Variants in PARP10 observed in about 807,000 individuals in gnomAD.
The protein encoded by PARP10 is protein mono-ADP-ribosyltransferase PARP10.
PARP10 carries 56 observed loss-of-function variants against 82.4 expected under a neutral mutation model. The ratio of observed to expected loss-of-function variants is 0.68; its 90% CI spans 0.55 to 0.85. The LOEUF is 0.85. PARP10 is among the 40% of genes least tolerant of loss of function. The pLI, the probability that PARP10 is intolerant of heterozygous loss-of-function variation, is 0.00. For missense variants in PARP10, 1,227 were observed against 1,379.4 expected (o/e 0.89, Z 1.75); for synonymous variants, 576 against 601.1 (o/e 0.96, Z 0.61).
rs782616578 is a variant in PARP10, at chr8:143,984,949, C to T, written c.1053G>A (p.Ser351=). 20 of 1,613,810 alleles carry T rather than the reference C, an allele frequency of 1.2e-5. No individual in the cohort carries two copies. The highest frequency in any genetic ancestry group is 2.7e-5 in the African/African-American group (2 of 74,906). ...CATGTTCCAGAGACCCCATGGGCAT[C>T]GAGCTGACTTGCTCTGCCTGTCCCA... ...GSLGQAEQVS[S]MPMGSLEHEG... Residue 351 remains serine, a synonymous_variant, in exon 5 of 11, where the codon TCG becomes TCA. Coordinates refer to ENST00000313028, the MANE Select transcript of PARP10 (RefSeq NM_032789.5).
chr8:143,991,289 G>C, upstream of PARP10: 3 of 1,463,002 alleles, frequency 2.1e-6, no homozygotes, highest in South Asian at 1.3e-5. Flanking sequence ...CTGGATATCC[G>C]GGGGGGCCCC....
intron 1 of PARP10, among the ~76,000 whole-genome samples, chr8:144,010,934 T>A (rs1371822033): frequency 6.6e-6 from 1 of 151,954 alleles, no homozygotes; most frequent in South Asian, 2.1e-4. Context: ...AAAAATAAAT[T>A]TTTAAAAAGT....
chr8:143,992,708 C>T, upstream of PARP10: 1 of 1,613,940 alleles, frequency 6.2e-7, no homozygotes, highest in Non-Finnish European at 8.5e-7. Context: ...GCAGTGGACA[C>T]CCAGCTGCTA....
upstream of PARP10, chr8:143,992,146 G>T: frequency 6.2e-7 from 1 of 1,603,808 alleles, no homozygotes; most frequent in Non-Finnish European, 8.5e-7. Flanking sequence ...ACTCTTCCGG[G>T]CCTGGTCACC....
upstream of PARP10, among the ~76,000 whole-genome samples, chr8:143,994,905 C>T (rs782585631): frequency 6.6e-6 from 1 of 152,162 alleles, no homozygotes; most frequent in African/African-American, 2.4e-5. Flanking sequence ...GGATTTTATA[C>T]GAAAGAGGAG....
rs1554748128 is a variant in PARP10 at position 143,983,177 on chromosome 8, T to C, written c.2412A>G (p.Ser804=). The C allele has an allele frequency of 6.2e-7, 1 of 1,613,428 alleles. No homozygotes were observed. The highest frequency in any genetic ancestry group is 1.3e-5 in the African/African-American group (1 of 75,034). ...DQSLAFPLAA[S]GPTLAGQTLK... ...AGGAGGTAGACTCACAGGTAGGGCC[T>C]GAAGCTGCCAAGGGAAAGGCCAAAC... Residue 804 remains serine (S), a synonymous_variant, in exon 8 of 11, where the codon TCA becomes TCG. Coordinates refer to ENST00000313028, the MANE Select transcript of PARP10 (RefSeq NM_032789.5).
chr8:143,990,460 G>C (rs1834072031), upstream of PARP10: 1 of 151,822 alleles, frequency 6.6e-6, no homozygotes, highest in Non-Finnish European at 1.5e-5. This position sits in a 1 kb window ranked among gnomAD's most constrained non-coding sequence, Gnocchi z 5.6. Flanking sequence ...GTGCGCCCCC[G>C]GCCCGCGGAG....
rs782461108 is a variant in PARP10, at chr8:143,978,097, G to A, written c.2557-16C>T. The A allele has an allele frequency of 8.7e-6, 13 of 1,491,258 alleles. No individual in the cohort carries two copies. In the Admixed American group the frequency reaches 1.0e-4, roughly 12 times the overall value. 92.4% of individuals were successfully genotyped at this position (1,491,258 alleles called of 1,614,324 possible). ...CGCGCTCCACCTGCGGGGAAGGCCC[G>A]GGCCAGGATTAAACACCCTCCCTAC... On this transcript the variant is annotated splice_polypyrimidine_tract_variant and intron_variant, in intron 9 of 10. Transcript: ENST00000313028.
intron 1 of PARP10, among the ~76,000 whole-genome samples, chr8:144,002,627 C>A (rs551090219): frequency 1.3e-5 from 2 of 152,068 alleles, no homozygotes; most frequent in Non-Finnish European, 2.9e-5. Context: ...TAGAACCACA[C>A]CCATTTTAAA....
At position 143,983,294 on chromosome 8, in the gene PARP10, A is replaced by G. The variant is rs1416515641; in HGVS notation, c.2295T>C (p.Arg765=). The G allele has an allele frequency of 1.2e-6, 2 of 1,612,666 alleles. No homozygotes were observed. Among genetic ancestry groups the G allele is most frequent in the African/African-American group, 2.7e-5 (2 of 74,920 alleles). The change falls in exon 8 of 11, where the codon CGT becomes CGC. Residue 765 remains arginine, a synonymous_variant. Transcript: ENST00000313028. ...ERCHGVSVAL[R]GDCTILRGFG... is the part of the protein sequence containing the mutation. ...AGCCACGGAGGATGGTGCAGTCACC[A>G]CGCAGGGCAACACTCACACCATGGC...
rs144061481 is a variant in PARP10 at position 143,984,585 on chromosome 8, C to T, written c.1417G>A (p.Ala473Thr). ...TCCGGTCCTTCAAGTGGCAAGAGAG[C>T]GACGTCTCCCAGGCCCGCAAGAAGG... ...EDLLAGLGDV[A>T]LLPLEGPDMT... The change falls in exon 5 of 11, where the codon GCT (alanine) becomes ACT (threonine). Residue 473 changes from alanine to threonine, a missense_variant. Coordinates refer to ENST00000313028, the MANE Select transcript of PARP10 (RefSeq NM_032789.5). 2.4e-5 allele frequency: 38 copies of T among 1,613,286 alleles called. No individual in the cohort carries two copies. The highest frequency in any genetic ancestry group is 5.0e-5 in the Admixed American group (3 of 59,958).
rs782251123 is a variant in PARP10 at position 143,986,164 on chromosome 8, G to A, written c.72C>T (p.Asp24=). 9.9e-6 allele frequency: 16 copies of A among 1,613,888 alleles called. No individual in the cohort carries two copies. Among genetic ancestry groups the A allele is most frequent in the East Asian group, 2.2e-5 (1 of 44,882 alleles). ...TTTCAAAGTAGAGAGTGAGCAGCTC[G>A]TCGGGCACGGCAGGGGGCAGTCCAC... The part of the protein sequence containing the change: ...EVRGLPPAVP[D]ELLTLYFENR... Residue 24 remains aspartate, a synonymous_variant, in exon 2 of 11, where the codon GAC becomes GAT. Transcript: ENST00000313028.
chr8:144,006,492 T>C (rs1376067617), intron 1 of PARP10, among the ~76,000 whole-genome samples: 1 of 152,128 alleles, frequency 6.6e-6, no homozygotes, highest in Non-Finnish European at 1.5e-5. Flanking sequence ...GATGAAGACT[T>C]TGGGGGCCCT....
chr8:143,979,097 C>G (rs193107099), intron 9 of PARP10, among the ~76,000 whole-genome samples: 12 of 152,154 alleles, frequency 7.9e-5, no homozygotes, highest in Admixed American at 3.9e-4. Flanking sequence ...CTCAGCCTCC[C>G]GAATAGCTGG....
At position 143,985,663 on chromosome 8, in the gene PARP10, C is replaced by T; in HGVS notation, c.437-15G>A. The T allele has an allele frequency of 6.2e-7, 1 of 1,608,100 alleles. No individual in the cohort carries two copies. The stretch of plus-strand genomic sequence containing the variant: ...GACACGGACATCTGTGGGGTATGTG[C>T]AGGTCAGCTCAGGGAATCCCCCCTA... On this transcript the variant is annotated splice_polypyrimidine_tract_variant and intron_variant, in intron 3 of 10. Coordinates refer to ENST00000313028, the MANE Select transcript of PARP10 (RefSeq NM_032789.5).
At chr8:143,990,036 G>A (rs1484784552), upstream of PARP10, 3 of 99,166 alleles carry the variant, frequency 3.0e-5, no homozygotes, top group Non-Finnish European at 4.2e-5. The surrounding 1 kb of genome is among the most constrained non-coding windows in gnomAD (Gnocchi z 5.6). Context: ...GCCCGGCCCC[G>A]CCCCCTGCCC....
chr8:144,006,392 G>A (rs1372368496), intron 1 of PARP10, among the ~76,000 whole-genome samples: 4 of 152,232 alleles, frequency 2.6e-5, no homozygotes, highest in Non-Finnish European at 5.9e-5. Flanking sequence ...TTGGGGGCCT[G>A]CCCCAGGCCC....
intron 1 of PARP10, among the ~76,000 whole-genome samples, chr8:144,010,700 C>A (rs922441383): frequency 8.5e-5 from 13 of 152,054 alleles, no homozygotes; most frequent in African/African-American, 2.9e-4. Flanking sequence ...TGTGGTAAGA[C>A]CCCATGTCTA....
In PARP10 at chr8:143,983,989, G is replaced by A; in HGVS notation, c.1777+19C>T. 6.6e-7 allele frequency: 1 copy of A among 1,505,208 alleles called. No homozygotes were observed. The highest frequency in any genetic ancestry group is 8.9e-7 in the Non-Finnish European group (1 of 1,125,038). 93.2% of individuals were successfully genotyped at this position (1,505,208 alleles called of 1,614,324 possible). A position where few individuals can be genotyped will look rare whatever the true frequency, so the allele number is the denominator to read the frequency against. On this transcript the variant is annotated intron_variant, in intron 7 of 10. Coordinates refer to ENST00000313028, the MANE Select transcript of PARP10 (RefSeq NM_032789.5). Reference sequence around the variant, plus strand: ...AGTGAGGGCCACAGGATGTGCTGAGGGCTCCCAGGGAGCCCTACCCAGGCT... The same window carrying A: ...AGTGAGGGCCACAGGATGTGCTGAGAGCTCCCAGGGAGCCCTACCCAGGCT...
Sources: allele counts gnomAD v4.1 joint callset (sites outside exome capture counted in the v4.1 genomes callset), GRCh38; gene constraint gnomAD v4.1.1; non-coding constraint Gnocchi (gnomAD v3.1); transcripts MANE v1.5; gene names NCBI Gene and HGNC (gene_info 2026-07-23, HGNC 2026-07-21).